The following NUBP1 variants were observed in gnomAD, a reference collection of about 807,000 sequenced individuals.
NUBP1 encodes cytosolic Fe-S cluster assembly factor NUBP1.
A neutral mutation model predicts 41.8 loss-of-function variants in NUBP1; 46 were observed. That is an observed-to-expected ratio of 1.10 (90% CI 0.87 to 1.41). The LOEUF is 1.41. Among genes scored for constraint, NUBP1 ranks in the 40% most tolerant of loss-of-function variants. NUBP1 has a pLI of 0.00. For synonymous variants in NUBP1, 189 were observed against 154.6 expected, an observed-to-expected ratio of 1.22 and a Z score of -1.65; for missense variants, 494 against 414.0, an observed-to-expected ratio of 1.19 and a Z score of -1.68.
intron 9 of NUBP1, among the ~76,000 whole-genome samples, chr16:10,762,678 G>A (rs80312210): frequency 0.046 from 6,947 of 152,160 alleles, 337 homozygotes; most frequent in East Asian, 0.25. Flanking sequence ...CAGGAGTGCC[G>A]GCTGCACCCA....
intron 5 of NUBP1, among the ~76,000 whole-genome samples, chr16:10,756,455 C>T (rs920958461): frequency 3.3e-5 from 5 of 150,946 alleles, no homozygotes; most frequent in South Asian, 2.1e-4. Flanking sequence ...CTGTCATTGC[C>T]GTCACTGCAG....
At chr16:10,760,950 C>T (rs905969717) in intron 7 of NUBP1, 4 of 195,758 alleles carry the variant, frequency 2.0e-5, no homozygotes, top group African/African-American at 9.3e-5. Flanking sequence ...ATTCACAGTT[C>T]TGCATGGCTG....
At chr16:10,758,116 C>A in intron 7 of NUBP1, 89 bp downstream of exon 7, 1 of 1,453,786 alleles carries the variant, frequency 6.9e-7, no homozygotes, top group Non-Finnish European at 9.4e-7. Context: ...TCTGGTCTCA[C>A]CAAGGCTCTT....
chr16:10,763,340 G>C (rs1024330969), intron 9 of NUBP1, among the ~76,000 whole-genome samples: 3 of 152,044 alleles, frequency 2.0e-5, no homozygotes, highest in Non-Finnish European at 4.4e-5. Context: ...TGGCTGCCTC[G>C]AGGAAGTGGT....
Position 10,757,914 on chromosome 16 carries a change from G to C in NUBP1, c.493G>C (p.Val165Leu). ...QFLRDVDWGE[V>L]DYLIVDTPPG... ...CCTCCGAGATGTGGACTGGGGAGAG[G>C]TCGACTACCTCATTGTGGACACCCC... is the stretch of plus-strand genomic sequence containing the variant. Residue 165 changes from valine to leucine, a missense_variant, in exon 7 of 11, where the codon GTC becomes CTC. Val to Leu is a conservative substitution (Grantham distance 32). Transcript: ENST00000283027. This position sits in a 1 kb window ranked among gnomAD's most constrained non-coding sequence, Gnocchi z 4.1. 6.2e-7 allele frequency: 1 copy of C among 1,614,064 alleles called. No individual in the cohort carries two copies. Among genetic ancestry groups the C allele is most frequent in the Non-Finnish European group, 8.5e-7 (1 of 1,180,012 alleles).
chr16:10,761,919 C>G, intron 9 of NUBP1, 60 bp downstream of exon 9: 2 of 1,351,896 alleles, frequency 1.5e-6, no homozygotes, highest in Middle Eastern at 1.8e-4. Flanking sequence ...AGGCACGGGT[C>G]GGGCACAACA....
rs1215953470 is a variant in NUBP1 at position 10,749,334 on chromosome 16, G to A, written c.258+2058G>A. Among the ~76,000 whole-genome samples, 2 of 152,158 alleles carry A rather than the reference G, an allele frequency of 1.3e-5. No homozygotes were observed. Among genetic ancestry groups the A allele is most frequent in the Non-Finnish European group, 2.9e-5 (2 of 68,040 alleles). ...CAGGAATATTCCTAAACAGCTCACT[G>A]GAGATGGGCTTTCATCTCACCACTT... On this transcript the variant is annotated intron_variant, in intron 3 of 10. Coordinates refer to ENST00000283027, the MANE Select transcript of NUBP1 (RefSeq NM_002484.4). The surrounding 1 kb of genome is among the most constrained non-coding windows in gnomAD (Gnocchi z 4.1).
intron 2 of NUBP1, among the ~76,000 whole-genome samples, chr16:10,744,522 A>C (rs992579585): frequency 1.3e-5 from 2 of 152,186 alleles, no homozygotes; most frequent in African/African-American, 2.4e-5. Context: ...TTCAGCAGAA[A>C]TGTGTTGATC....
At position 10,767,578 on chromosome 16, in the gene NUBP1, G is replaced by A; in HGVS notation, c.821-371G>A. 1 of 453,978 alleles carries A rather than the reference G, an allele frequency of 2.2e-6. No individual in the cohort carries two copies. The highest frequency in any genetic ancestry group is 3.3e-5 in the East Asian group (1 of 30,190). 28.1% of individuals were successfully genotyped at this position (453,978 alleles called of 1,614,324 possible). On this transcript the variant is annotated intron_variant, in intron 9 of 10. Transcript: ENST00000283027. This position sits in a 1 kb window ranked among gnomAD's most constrained non-coding sequence, Gnocchi z 4.6. The stretch of plus-strand genomic sequence containing the variant: ...GCCCTTTTCGGACTTGGCCTTTTAT[G>A]CCATATCCTTTTGCATTCTGTACTT...
intron 2 of NUBP1, among the ~76,000 whole-genome samples, chr16:10,745,854 G>A (rs1025090780): frequency 1.3e-5 from 2 of 152,220 alleles, no homozygotes; most frequent in African/African-American, 4.8e-5. Flanking sequence ...TTGGCATGTG[G>A]GAGGATAAGC....
intron 2 of NUBP1, among the ~76,000 whole-genome samples, chr16:10,746,094 T>C (rs545090252): frequency 5.3e-5 from 8 of 152,362 alleles, no homozygotes; most frequent in African/African-American, 1.9e-4. Context: ...GTCTGGTTAA[T>C]GTAGAATGCT....
chr16:10,744,186 A>G (rs1455589513), intron 2 of NUBP1, 121 bp downstream of exon 2: 4 of 941,112 alleles, frequency 4.3e-6, no homozygotes, highest in East Asian at 3.2e-5. Flanking sequence ...AAGGTATTGT[A>G]TTCGGAGAGG....
At chr16:10,760,037 A>T (rs1900834772) in intron 7 of NUBP1, among the ~76,000 whole-genome samples, 1 of 152,218 alleles carries the variant, frequency 6.6e-6, no homozygotes, top group Non-Finnish European at 1.5e-5. Context: ...GAAAATAGGG[A>T]GCTACTGAGC....
In NUBP1 at chr16:10,769,206, CA is replaced by C. The variant is rs556101446; in HGVS notation, c.*105del. The C allele has an allele frequency of 2.6e-5, 26 of 1,001,104 alleles. No individual in the cohort carries two copies. The highest frequency in any genetic ancestry group is 2.1e-4 in the Middle Eastern group (1 of 4,742). 62.0% of individuals were successfully genotyped at this position (1,001,104 alleles called of 1,614,324 possible). On this transcript the variant is annotated 3_prime_UTR_variant, in exon 11 of 11. Transcript: ENST00000283027. ...AGCTCCGGGATGGGGTGGGTCACAG[CA>C]AAAGGACCAGATGCTGGTGTGGTCC...
chr16:10,745,216 G>A (rs1019957343), intron 2 of NUBP1, among the ~76,000 whole-genome samples: 6 of 151,284 alleles, frequency 4.0e-5, no homozygotes, highest in Admixed American at 6.6e-5. Flanking sequence ...TGTAATCCCA[G>A]CACTTTGGGA....
Position 10,768,266 on chromosome 16 carries a change from C to T in NUBP1, c.904+234C>T, listed in dbSNP as rs1168902262. The T allele has an allele frequency of 5.3e-6, 2 of 380,544 alleles. No homozygotes were observed. Among genetic ancestry groups the T allele is most frequent in the African/African-American group, 2.1e-5 (1 of 47,766 alleles). 23.6% of individuals were successfully genotyped at this position (380,544 alleles called of 1,614,324 possible). A position where few individuals can be genotyped will look rare whatever the true frequency, so the allele number is the denominator to read the frequency against. On this transcript the variant is annotated intron_variant, in intron 10 of 10. Coordinates refer to ENST00000283027, the MANE Select transcript of NUBP1 (RefSeq NM_002484.4). The surrounding 1 kb of genome is among the most constrained non-coding windows in gnomAD (Gnocchi z 4.3). ...GAAATTTATGGCTTAGGAAATACATCCCAATAAAGGGATAAAGTAATTCAT... is the reference window on the plus strand; with the variant it reads ...GAAATTTATGGCTTAGGAAATACATTCCAATAAAGGGATAAAGTAATTCAT...
chr16:10,755,751 G>T lies in NUBP1; in HGVS notation c.358G>T (p.Val120Leu), dbSNP rs147401021. 1.2e-5 allele frequency: 20 copies of T among 1,614,048 alleles called. No individual in the cohort carries two copies. Among genetic ancestry groups the T allele is most frequent in the Non-Finnish European group, 5.1e-6 (6 of 1,179,996 alleles). The part of the protein sequence containing the change: ...VHQSGSGWSP[V>L]YVEDNLGVMS... ...CCAGAGTGGCTCAGGCTGGTCTCCA[G>T]TGGTGAGTTTTCACCTCTTTGCCCT... The change falls in exon 5 of 11, where the codon GTG (valine) becomes TTG (leucine). Residue 120 changes from valine to leucine, a missense_variant and splice_region_variant. Transcript: ENST00000283027.
In NUBP1 at chr16:10,768,093, G is replaced by A. The variant is rs1047329714; in HGVS notation, c.904+61G>A. ...GTGGGGCAGGAAGCAACATAAAGGA[G>A]CCAGGGGTGTGGAAGGACAGGTGGG... On this transcript the variant is annotated intron_variant, in intron 10 of 10. Transcript: ENST00000283027. This position sits in a 1 kb window ranked among gnomAD's most constrained non-coding sequence, Gnocchi z 4.3. The A allele has an allele frequency of 6.5e-7, 1 of 1,532,160 alleles. No homozygotes were observed. Among genetic ancestry groups the A allele is most frequent in the East Asian group, 2.3e-5 (1 of 44,430 alleles). 94.9% of individuals were successfully genotyped at this position (1,532,160 alleles called of 1,614,324 possible). A position where few individuals can be genotyped will look rare whatever the true frequency, so the allele number is the denominator to read the frequency against.
rs757236292 is a variant in NUBP1 at position 10,769,142 on chromosome 16, G to A, written c.*37G>A. 21 of 1,603,478 alleles carry A rather than the reference G, an allele frequency of 1.3e-5. No individual in the cohort carries two copies. Among genetic ancestry groups the A allele is most frequent in the East Asian group, 4.5e-5 (2 of 44,834 alleles). On this transcript the variant is annotated 3_prime_UTR_variant, in exon 11 of 11. Coordinates refer to ENST00000283027, the MANE Select transcript of NUBP1 (RefSeq NM_002484.4). ...GTTCAGGACCAAGCAGTTACCGAGCGAGGCACTCACTGGGCAGCACATCCA... is the reference window on the plus strand; with the variant it reads ...GTTCAGGACCAAGCAGTTACCGAGCAAGGCACTCACTGGGCAGCACATCCA...
Sources: allele counts gnomAD v4.1 joint callset (sites outside exome capture counted in the v4.1 genomes callset), GRCh38; gene constraint gnomAD v4.1.1; non-coding constraint Gnocchi (gnomAD v3.1); transcripts MANE v1.5; gene names NCBI Gene and HGNC (gene_info 2026-07-23, HGNC 2026-07-21).